Variants in ZC3H6 observed in about 807,000 individuals in gnomAD.
ZC3H6 encodes zinc finger CCCH domain-containing protein 6.
ZC3H6 carries 40 observed loss-of-function variants against 107.7 expected under a neutral mutation model. The observed-to-expected ratio is 0.37, with a 90% CI of 0.29 to 0.48. The LOEUF is 0.48. ZC3H6 is among the 20% of genes least tolerant of loss of function. The pLI, the probability that ZC3H6 is intolerant of heterozygous loss-of-function variation, is 0.98. For missense variants in ZC3H6, 1,267 were observed against 1,410.4 expected, an observed-to-expected ratio of 0.90 and a Z score of 1.63; for synonymous variants, 493 against 487.9, an observed-to-expected ratio of 1.01 and a Z score of -0.14.
intron 1 of ZC3H6, among the ~76,000 whole-genome samples, chr2:112,280,569 C>G (rs1227823701): frequency 6.6e-6 from 1 of 152,084 alleles, no homozygotes; most frequent in Non-Finnish European, 1.5e-5. Context: ...ATCTTATAAT[C>G]TAGTTGCAGA....
At chr2:112,290,652 C>CTTTTTTTTTT (rs67536026) in intron 1 of ZC3H6, among the ~76,000 whole-genome samples, 1 of 143,908 alleles carries the variant, frequency 6.9e-6, no homozygotes, top group Admixed American at 7.0e-5. Context: ...AATGAATGGC[C>CTTTTTTTTTT]TTTTTTTTTT....
chr2:112,293,550 C>T (rs539073331), intron 1 of ZC3H6, among the ~76,000 whole-genome samples: 1 of 152,126 alleles, frequency 6.6e-6, no homozygotes, highest in Non-Finnish European at 1.5e-5. Flanking sequence ...ATGTAAATGC[C>T]GAAGGCCAAG....
In ZC3H6 at chr2:112,339,013, T is replaced by G. The variant is rs1677195145; in HGVS notation, c.*6525T>G. 6.6e-6 allele frequency: 1 copy of G among 151,002 alleles called. No homozygotes were observed. Among genetic ancestry groups the G allele is most frequent in the African/African-American group, 2.4e-5 (1 of 41,170 alleles). The allele number at this position is 151,002 out of a possible 1,614,324, so 9.4% of individuals were successfully genotyped here. A position where few individuals can be genotyped will look rare whatever the true frequency, so the allele number is the denominator to read the frequency against. On this transcript the variant is annotated 3_prime_UTR_variant, in exon 12 of 12. Transcript: ENST00000409871. The stretch of plus-strand genomic sequence containing the variant: ...AGGTTCAAGCAATTCTGCCTCAGCC[T>G]CCCGAGTAGCTGGAATTACAGACGC...
At chr2:112,297,453 G>T (rs1676261041) in intron 1 of ZC3H6, among the ~76,000 whole-genome samples, 1 of 152,130 alleles carries the variant, frequency 6.6e-6, no homozygotes, top group Non-Finnish European at 1.5e-5. Context: ...TGTACTATTT[G>T]TAGTAGTTTG....
Position 112,332,556 on chromosome 2 carries a change from G to T in ZC3H6, c.*68G>T. The T allele has an allele frequency of 6.9e-7, 1 of 1,444,094 alleles. No homozygotes were observed. Among genetic ancestry groups the T allele is most frequent in the Non-Finnish European group, 9.3e-7 (1 of 1,071,136 alleles). The allele number at this position is 1,444,094 out of a possible 1,614,324, so 89.5% of individuals were successfully genotyped here. ...TCAGTCCTCTGCTGTTTTGTAACTG[G>T]TTTACCTCTATAGTTTATTTATTTT... On this transcript the variant is annotated 3_prime_UTR_variant, in exon 12 of 12. Coordinates refer to ENST00000409871, the MANE Select transcript of ZC3H6 (RefSeq NM_198581.3).
At position 112,332,542 on chromosome 2, in the gene ZC3H6, C is replaced by A; in HGVS notation, c.*54C>A. 6.6e-7 allele frequency: 1 copy of A among 1,512,124 alleles called. No individual in the cohort carries two copies. The allele number at this position is 1,512,124 out of a possible 1,614,324, so 93.7% of individuals were successfully genotyped here. The stretch of plus-strand genomic sequence containing the variant: ...CTCTTGTGACTATCTCAGTCCTCTG[C>A]TGTTTTGTAACTGGTTTACCTCTAT... On this transcript the variant is annotated 3_prime_UTR_variant, in exon 12 of 12. Transcript: ENST00000409871.
chr2:112,285,606 C>T (rs1414837973), intron 1 of ZC3H6, among the ~76,000 whole-genome samples: 1 of 150,148 alleles, frequency 6.7e-6, no homozygotes, highest in Non-Finnish European at 1.5e-5. Context: ...GATCTGCTGG[C>T]CTCAGTCTTC....
chr2:112,319,029 A>T (rs1676752403), intron 7 of ZC3H6, among the ~76,000 whole-genome samples: 1 of 152,226 alleles, frequency 6.6e-6, no homozygotes, highest in Non-Finnish European at 1.5e-5. Context: ...AGTAAAAGTA[A>T]CTTGGGAGAT....
At position 112,324,212 on chromosome 2, in the gene ZC3H6, A is replaced by G. The variant is rs1212617603; in HGVS notation, c.1401A>G (p.Pro467=). 1 of 1,605,104 alleles carries G rather than the reference A, an allele frequency of 6.2e-7. No homozygotes were observed. The highest frequency in any genetic ancestry group is 8.5e-7 in the Non-Finnish European group (1 of 1,172,456). ...PPGPQFQGSS[P]HPQHIYSSGS... ...GACCACAATTTCAGGGAAGCAGTCCACACCCTCAACATATCTATAGTTCTG... is the reference window on the plus strand; with the variant it reads ...GACCACAATTTCAGGGAAGCAGTCCGCACCCTCAACATATCTATAGTTCTG... The change falls in exon 10 of 12, where the codon CCA becomes CCG. Residue 467 remains proline, a synonymous_variant. Transcript: ENST00000409871.
At chr2:112,325,247 T>A (rs1421264752) in intron 11 of ZC3H6, 50 bp downstream of exon 11, 4 of 1,561,070 alleles carry the variant, frequency 2.6e-6, no homozygotes, top group Non-Finnish European at 2.6e-6. Context: ...TGGGTTAAAA[T>A]TTTTAAATGG....
At chr2:112,311,392 T>TA (rs1419028710) in intron 4 of ZC3H6, among the ~76,000 whole-genome samples, 1 of 152,216 alleles carries the variant, frequency 6.6e-6, no homozygotes, top group East Asian at 1.9e-4. Context: ...TTCCTGGAGA[T>TA]ATATGTGTAT....
At chr2:112,326,200 CTG>C (rs1676903604) in intron 11 of ZC3H6, among the ~76,000 whole-genome samples, 1 of 152,036 alleles carries the variant, frequency 6.6e-6, no homozygotes, top group South Asian at 2.1e-4. Flanking sequence ...CATTTATCCT[CTG>C]TGTTACAAAC....
At chr2:112,313,679 T>G (rs924076858) in intron 5 of ZC3H6, among the ~76,000 whole-genome samples, 4 of 152,178 alleles carry the variant, frequency 2.6e-5, no homozygotes, top group African/African-American at 9.7e-5. Flanking sequence ...TTCTTATGAT[T>G]CCAGAAACAA....
chr2:112,307,438 G>T (rs368226125), intron 3 of ZC3H6, among the ~76,000 whole-genome samples: 2 of 151,968 alleles, frequency 1.3e-5, no homozygotes, highest in Non-Finnish European at 2.9e-5. Flanking sequence ...CAAATAATCA[G>T]TTGGCAAAGT....
At chr2:112,288,568 T>C (rs1456398652) in intron 1 of ZC3H6, among the ~76,000 whole-genome samples, 1 of 152,200 alleles carries the variant, frequency 6.6e-6, no homozygotes. Context: ...TTCATATAGG[T>C]AGTACTTTGG....
At chr2:112,315,250 A>G (rs1011117456) in intron 5 of ZC3H6, among the ~76,000 whole-genome samples, 1 of 152,186 alleles carries the variant, frequency 6.6e-6, no homozygotes, top group Non-Finnish European at 1.5e-5. Flanking sequence ...TTGTTACTTA[A>G]TCTTATACTT....
In ZC3H6 at chr2:112,300,116, A is replaced by C. The variant is rs540008687; in HGVS notation, c.213+87A>C. The stretch of plus-strand genomic sequence containing the variant: ...ATTAGAAAGTAGAAGTCATTATTTT[A>C]TTATAAAACATGTGGATTAGATATT... On this transcript the variant is annotated intron_variant, in intron 2 of 11. Coordinates refer to ENST00000409871, the MANE Select transcript of ZC3H6 (RefSeq NM_198581.3). 4.0e-5 allele frequency: 35 copies of C among 872,188 alleles called. No individual in the cohort carries two copies. The East Asian group carries it at 8.0e-4, about 20-fold the overall frequency. The allele number at this position is 872,188 out of a possible 1,614,324, so 54.0% of individuals were successfully genotyped here.
chr2:112,287,632 G>A (rs1191406269), intron 1 of ZC3H6, among the ~76,000 whole-genome samples: 2 of 151,938 alleles, frequency 1.3e-5, no homozygotes, highest in African/African-American at 4.8e-5. Flanking sequence ...ATGGAGTCTT[G>A]TTCTGTCGCC....
intron 11 of ZC3H6, among the ~76,000 whole-genome samples, chr2:112,328,175 A>G (rs1212885311): frequency 2.6e-5 from 4 of 152,132 alleles, no homozygotes. Context: ...TACAGGTGTG[A>G]GCCACTGTGC....
Sources: allele counts gnomAD v4.1 joint callset (sites outside exome capture counted in the v4.1 genomes callset), GRCh38; gene constraint gnomAD v4.1.1; transcripts MANE v1.5; gene names NCBI Gene and HGNC (gene_info 2026-07-23, HGNC 2026-07-21).